ANK3: variants seen among roughly 807,000 people sequenced by gnomAD.
ANK3 encodes the protein ankyrin-3.
Under a neutral mutation model 370.9 loss-of-function variants are expected in ANK3, and 57 were observed. The observed-to-expected ratio is 0.15, with a 90% CI of 0.12 to 0.19. The LOEUF is 0.19. Among genes scored for constraint, ANK3 ranks in the 10% least tolerant of loss-of-function variants. ANK3 has a pLI of 1.00. For missense variants in ANK3, 4,439 were observed against 5,302.1 expected, an observed-to-expected ratio of 0.84 and a Z score of 5.06; for synonymous variants, 1,929 against 1,946.3, an observed-to-expected ratio of 0.99 and a Z score of 0.23.
chr10:60,598,288 T>C (rs1398020404), intron 2 of ANK3, among the ~76,000 whole-genome samples: 3 of 152,346 alleles, frequency 2.0e-5, no homozygotes, highest in East Asian at 1.9e-4. Context: ...GTGATATCCA[T>C]ATACTTACGC....
At chr10:60,699,821 AATG>A (rs1201888119) in intron 1 of ANK3, among the ~76,000 whole-genome samples, 1 of 152,150 alleles carries the variant, frequency 6.6e-6, no homozygotes, top group African/African-American at 2.4e-5. Context: ...AATTTTAAAT[AATG>A]ATGTAATGGT....
chr10:60,574,710 G>T (rs1442550), intron 2 of ANK3, among the ~76,000 whole-genome samples: 29,659 of 152,018 alleles, frequency 0.2, 3,371 homozygotes, highest in East Asian at 0.37. Flanking sequence ...TGTCTTTTGA[G>T]GGATGAGGAT....
intron 2 of ANK3, among the ~76,000 whole-genome samples, chr10:60,400,950 G>A (rs1400083735): frequency 1.3e-5 from 2 of 151,952 alleles, no homozygotes; most frequent in Non-Finnish European, 1.5e-5. Flanking sequence ...ATTGAGGGTG[G>A]CAACAAAAAA....
At chr10:60,189,933 T>C (rs917409645) in intron 16 of ANK3, among the ~76,000 whole-genome samples, 1 of 152,226 alleles carries the variant, frequency 6.6e-6, no homozygotes, top group Non-Finnish European at 1.5e-5. Context: ...TGTTGCACAT[T>C]TTATGGAAGA....
chr10:60,429,380 G>A (rs1043537189), intron 2 of ANK3, among the ~76,000 whole-genome samples: 5 of 152,070 alleles, frequency 3.3e-5, no homozygotes, highest in African/African-American at 7.2e-5. Flanking sequence ...GAAAGGCAAG[G>A]AGAAAAAGGG....
chr10:60,123,584 T>C (rs7915375), intron 25 of ANK3, among the ~76,000 whole-genome samples: 49,776 of 152,074 alleles, frequency 0.33, 9,668 homozygotes, highest in East Asian at 0.66. Flanking sequence ...ACCTCCAGTG[T>C]TAGATGACAT....
intron 1 of ANK3, among the ~76,000 whole-genome samples, chr10:60,732,234 C>T (rs562874691): frequency 1.6e-4 from 24 of 152,280 alleles, no homozygotes; most frequent in Admixed American, 1.1e-3. Flanking sequence ...GGTAAGTCTC[C>T]CTCCTCACCC....
intron 32 of ANK3, 177 bp downstream of exon 32, chr10:60,084,425 T>C (rs375852485): frequency 3.0e-6 from 1 of 333,712 alleles, no homozygotes. Flanking sequence ...AAAATTAAAT[T>C]AAATTAAATT....
chr10:60,570,944 C>G (rs1192660429), intron 2 of ANK3, among the ~76,000 whole-genome samples: 1 of 151,984 alleles, frequency 6.6e-6, no homozygotes, highest in South Asian at 2.1e-4. Context: ...ATTGCACCGT[C>G]GTGGTTCATG....
intron 5 of ANK3, among the ~76,000 whole-genome samples, chr10:60,266,082 T>C (rs1339096314): frequency 6.6e-6 from 1 of 151,978 alleles, no homozygotes; most frequent in East Asian, 1.9e-4. Context: ...AGGAAAACAA[T>C]AACATAACCA....
At chr10:60,221,462 G>A (rs760944211) in intron 8 of ANK3, among the ~76,000 whole-genome samples, 1 of 152,036 alleles carries the variant, frequency 6.6e-6, no homozygotes, top group Non-Finnish European at 1.5e-5. Context: ...ATATTATAAC[G>A]AACCTCTGGG....
At chr10:60,301,379 C>CACAT (rs565820547) in intron 1 of ANK3, among the ~76,000 whole-genome samples, 164 of 148,994 alleles carry the variant, frequency 1.1e-3, no homozygotes, top group Middle Eastern at 3.5e-3. Context: ...CACACACACA[C>CACAT]ACATACATAC....
intron 1 of ANK3, among the ~76,000 whole-genome samples, chr10:60,375,502 G>T (rs560395888): frequency 6.6e-6 from 1 of 151,958 alleles, no homozygotes. Flanking sequence ...TGCCTGGGGG[G>T]GGAGGGGGGA....
chr10:60,139,177 T>TC, intron 23 of ANK3, 90 bp from the exon 24 acceptor site: 1 of 1,466,056 alleles, frequency 6.8e-7, no homozygotes, highest in South Asian at 1.3e-5. Flanking sequence ...TATCAGCAAA[T>TC]CCCCCAATAT....
At chr10:60,279,486 G>C in intron 2 of ANK3, 52 bp downstream of exon 2, 2 of 1,414,274 alleles carry the variant, frequency 1.4e-6, no homozygotes, top group Non-Finnish European at 2.0e-6. Context: ...GGAGCTTGAA[G>C]TCTGGATTTT....
intron 1 of ANK3, among the ~76,000 whole-genome samples, chr10:60,709,994 C>T (rs2079680530): frequency 1.3e-5 from 2 of 152,142 alleles, no homozygotes; most frequent in Non-Finnish European, 2.9e-5. Flanking sequence ...ATCTAAGGTA[C>T]ATATCAAGCA....
chr10:60,253,353 C>T (rs1186190976), intron 7 of ANK3, among the ~76,000 whole-genome samples: 1 of 152,174 alleles, frequency 6.6e-6, no homozygotes, highest in East Asian at 1.9e-4. Context: ...GAGTCCAGCA[C>T]GTATTCCTCC....
At chr10:60,031,936 A>G (rs1436411413) in intron 43 of ANK3, among the ~76,000 whole-genome samples, 1 of 152,064 alleles carries the variant, frequency 6.6e-6, no homozygotes, top group Non-Finnish European at 1.5e-5. Context: ...GACTCTGCTG[A>G]GGTTCCAAAG....
At chr10:60,278,914 T>C (rs754986143) in intron 3 of ANK3, 42 bp from the exon 4 acceptor site, 7 of 1,598,570 alleles carry the variant, frequency 4.4e-6, no homozygotes, top group South Asian at 3.3e-5. Flanking sequence ...ATCGATCTTT[T>C]GAATTTTCCT....
Sources: allele counts gnomAD v4.1 joint callset (sites outside exome capture counted in the v4.1 genomes callset), GRCh38; gene constraint gnomAD v4.1.1; transcripts MANE v1.5; gene names NCBI Gene and HGNC (gene_info 2026-07-23, HGNC 2026-07-21).